The following MTMR3 variants were observed in gnomAD, a reference collection of about 807,000 sequenced individuals.
MTMR3 encodes phosphatidylinositol-3,5-bisphosphate 3-phosphatase MTMR3.
A neutral mutation model predicts 132.4 loss-of-function variants in MTMR3; 32 were observed. The ratio of observed to expected loss-of-function variants is 0.24; its 90% CI spans 0.18 to 0.32. The LOEUF (loss-of-function observed/expected upper bound fraction) is 0.32. MTMR3 is among the 10% of genes least tolerant of loss of function. The probability of loss-of-function intolerance (pLI) is 1.00; values close to 1 mark genes in which losing one functional copy is unlikely to be tolerated. For missense variants in MTMR3, 1,216 were observed against 1,489.6 expected, an observed-to-expected ratio of 0.82 and a Z score of 3.02; for synonymous variants, 556 against 550.3, an observed-to-expected ratio of 1.01 and a Z score of -0.14.
At chr22:29,971,097 A>C in intron 3 of MTMR3, 35 bp downstream of exon 3, 1 of 1,575,344 alleles carries the variant, frequency 6.3e-7, no homozygotes, top group Non-Finnish European at 8.6e-7. Flanking sequence ...AAAAAAAAAC[A>C]AAAAACCCTG....
chr22:29,923,188 C>T (rs968514260), intron 1 of MTMR3, among the ~76,000 whole-genome samples: 3 of 151,374 alleles, frequency 2.0e-5, no homozygotes, highest in Non-Finnish European at 2.9e-5. Context: ...ACTACAGGTG[C>T]GTGTCACCAC....
chr22:29,912,717 C>CTTA (rs1342283449), intron 1 of MTMR3, among the ~76,000 whole-genome samples: 1 of 152,060 alleles, frequency 6.6e-6, no homozygotes, highest in African/African-American at 2.4e-5. Context: ...ATTGGAAGGC[C>CTTA]TTAATAGGAT....
rs139501511 is a variant in MTMR3, at chr22:29,979,351, G to A, written c.210+299G>A. On this transcript the variant is annotated intron_variant, in intron 5 of 19. Coordinates refer to ENST00000401950, the MANE Select transcript of MTMR3 (RefSeq NM_021090.4). The stretch of plus-strand genomic sequence containing the variant: ...ACTAAAAATACAAAAAATTAGCCGG[G>A]CGTGGTGGCAGGTGCCTGTAGTCCC... 1.5e-3 allele frequency: 370 copies of A among 243,826 alleles called. 6 individuals are homozygous for A. The highest frequency in any genetic ancestry group is 8.2e-3 in the African/African-American group (354 of 43,316). 15.1% of individuals were successfully genotyped at this position (243,826 alleles called of 1,614,324 possible). A position where few individuals can be genotyped will look rare whatever the true frequency, so the allele number is the denominator to read the frequency against.
At chr22:29,950,498 G>A (rs902023028) in intron 1 of MTMR3, among the ~76,000 whole-genome samples, 31 of 151,910 alleles carry the variant, frequency 2.0e-4, no homozygotes, top group African/African-American at 7.0e-4. Context: ...TGAGTAGCTG[G>A]GATTACAGAT....
intron 1 of MTMR3, among the ~76,000 whole-genome samples, chr22:29,953,391 C>T (rs1047636962): frequency 2.0e-5 from 3 of 151,976 alleles, no homozygotes; most frequent in African/African-American, 7.3e-5. Flanking sequence ...GCCTCTTTGC[C>T]CTTGTTGAAG....
chr22:29,982,937 T>TTTTTTTTTTTTTTGTGTGTGTG (rs752531735), intron 5 of MTMR3: 1 of 146,280 alleles, frequency 6.8e-6, no homozygotes, highest in African/African-American at 2.6e-5. Flanking sequence ...AAAAGTTTGT[T>TTTTTTTTTTTTTTGTGTGTGTG]TGTGTGTGTG....
intron 1 of MTMR3, among the ~76,000 whole-genome samples, chr22:29,925,737 G>T (rs868516662): frequency 1.3e-5 from 2 of 151,754 alleles, no homozygotes; most frequent in Non-Finnish European, 2.9e-5. Context: ...CCAACAAGAC[G>T]AACCCGTCTC....
chr22:29,928,165 T>C (rs1035640534), intron 1 of MTMR3, among the ~76,000 whole-genome samples: 3 of 125,250 alleles, frequency 2.4e-5, no homozygotes, highest in East Asian at 2.7e-4. Flanking sequence ...ACTACATTTT[T>C]TTTTTCTTTT....
intron 17 of MTMR3, 41 bp downstream of exon 17, chr22:30,020,925 A>T (rs760069355): frequency 6.6e-7 from 1 of 1,521,090 alleles, no homozygotes; most frequent in South Asian, 1.3e-5. Flanking sequence ...GCCCAAGGAG[A>T]CGGCATGCTG....
At chr22:29,955,935 A>G (rs1243217894) in intron 1 of MTMR3, among the ~76,000 whole-genome samples, 2 of 152,026 alleles carry the variant, frequency 1.3e-5, no homozygotes, top group African/African-American at 4.8e-5. Context: ...TATTTTTAGT[A>G]GAGCTGGGGT....
chr22:30,009,336 G>T (rs2067352164), intron 12 of MTMR3: 1 of 525,690 alleles, frequency 1.9e-6, no homozygotes, highest in Non-Finnish European at 3.4e-6. Flanking sequence ...GAAGAGTTGG[G>T]AGAAAATACA....
Position 29,978,928 on chromosome 22 carries a change from T to C in MTMR3, c.94-8T>C, listed in dbSNP as rs2145885713. On this transcript the variant is annotated splice_region_variant and splice_polypyrimidine_tract_variant and intron_variant, in intron 4 of 19. Coordinates refer to ENST00000401950, the MANE Select transcript of MTMR3 (RefSeq NM_021090.4). ...TCAGAACTCTGAAGGGTTTCTTTCA[T>C]TTCGAAGGTTCCTTTCCTTGAACTT... 6.2e-7 allele frequency: 1 copy of C among 1,602,038 alleles called. No individual in the cohort carries two copies. Among genetic ancestry groups the C allele is most frequent in the South Asian group, 1.1e-5 (1 of 90,436 alleles).
In MTMR3 at chr22:30,020,862, A is replaced by G. The variant is rs1453275295; in HGVS notation, c.3203A>G (p.Asn1068Ser). The change falls in exon 17 of 20, where the codon AAT (asparagine) becomes AGT (serine). Residue 1068 changes from asparagine (N) to serine (S), a missense_variant. Coordinates refer to ENST00000401950, the MANE Select transcript of MTMR3 (RefSeq NM_021090.4). ...TACCTGACCAGCTCCCTACACTTTA[A>G]TGGAGACTTTGGGGATGAGGTGGTG... is the stretch of plus-strand genomic sequence containing the variant. ...SQYLTSSLHF[N>S]GDFGDEVTSI... is the part of the protein sequence containing the mutation. 6.3e-7 allele frequency: 1 copy of G among 1,597,210 alleles called. No individual in the cohort carries two copies. The highest frequency in any genetic ancestry group is 2.3e-5 in the East Asian group (1 of 44,306).
At chr22:29,930,872 T>A (rs1206846317) in intron 1 of MTMR3, among the ~76,000 whole-genome samples, 3 of 151,912 alleles carry the variant, frequency 2.0e-5, no homozygotes, top group Non-Finnish European at 4.4e-5. Context: ...CTGGTCATGC[T>A]GATGCGTGTG....
chr22:29,898,096 C>T (rs1276230937), intron 1 of MTMR3, among the ~76,000 whole-genome samples: 1 of 152,154 alleles, frequency 6.6e-6, no homozygotes, highest in Non-Finnish European at 1.5e-5. Context: ...GAGCCTCAGC[C>T]TCTCGAGTAG....
chr22:29,906,640 T>C (rs1049016419), intron 1 of MTMR3, among the ~76,000 whole-genome samples: 5 of 152,144 alleles, frequency 3.3e-5, no homozygotes, highest in Non-Finnish European at 7.3e-5. Context: ...CTGGCCTGTC[T>C]CACTTTTTAT....
rs1341416680 is a variant in MTMR3 at position 30,022,642 on chromosome 22, C to A, written c.3370C>A (p.His1124Asn). Residue 1124 changes from histidine to asparagine, a missense_variant, in exon 19 of 20, where the codon CAC becomes AAC. By Grantham distance (68) the His-to-Asn change is moderately conservative. Transcript: ENST00000401950. ...TTGGCTTCCTGACCACCTGGCCGCC[C>A]ACTGCTATGCGTGCGACAGTGCCTT... ...TRWLPDHLAAHCYACDSAFWL... is the reference protein window; with the variant it reads ...TRWLPDHLAANCYACDSAFWL... The A allele has an allele frequency of 9.9e-6, 16 of 1,612,758 alleles. No individual in the cohort carries two copies. Among genetic ancestry groups the A allele is most frequent in the African/African-American group, 1.3e-5 (1 of 75,038 alleles).
intron 1 of MTMR3, among the ~76,000 whole-genome samples, chr22:29,953,082 AAT>A (rs1196503411): frequency 1.3e-5 from 2 of 152,216 alleles, no homozygotes; most frequent in Non-Finnish European, 2.9e-5. Context: ...TGTGTAAAAA[AAT>A]CTATTTTAAC....
chr22:29,958,924 T>G (rs772966474), intron 2 of MTMR3, among the ~76,000 whole-genome samples: 10 of 152,222 alleles, frequency 6.6e-5, no homozygotes, highest in Non-Finnish European at 1.3e-4. Context: ...TAGAGATTGG[T>G]CAGCATAGTC....
Sources: gnomAD v4.1 joint callset for allele counts (sites outside exome capture counted in the v4.1 genomes callset) on GRCh38, gnomAD v4.1.1 for gene constraint, MANE v1.5 for transcripts, NCBI Gene and HGNC (gene_info 2026-07-23, HGNC 2026-07-21) for gene names.